Variants in HSD17B12 observed in about 807,000 individuals in gnomAD.
HSD17B12 encodes the protein very-long-chain 3-oxoacyl-CoA reductase.
Under a neutral mutation model 39.3 loss-of-function variants are expected in HSD17B12, and 32 were observed. The observed-to-expected ratio is 0.81, with a 90% CI of 0.61 to 1.09. The LOEUF is 1.09. Among genes scored for constraint, HSD17B12 ranks in the 50% least tolerant of loss-of-function variants. The pLI is 0.00. For synonymous variants in HSD17B12, 150 were observed against 146.7 expected (o/e 1.02, Z -0.16); for missense variants, 342 against 382.9 (o/e 0.89, Z 0.89).
intron 7 of HSD17B12, among the ~76,000 whole-genome samples, chr11:43,834,719 G>A (rs1951351921): frequency 6.6e-6 from 1 of 152,114 alleles, no homozygotes; most frequent in Admixed American, 6.5e-5. Flanking sequence ...AGGTCTGAGG[G>A]AATTCCATGA....
In HSD17B12 at chr11:43,838,413, C is replaced by T. The variant is rs1590341524; in HGVS notation, c.618+15C>T. 1.9e-6 allele frequency: 3 copies of T among 1,580,548 alleles called. No homozygotes were observed. Among genetic ancestry groups the T allele is most frequent in the Non-Finnish European group, 2.6e-6 (3 of 1,150,006 alleles). On this transcript the variant is annotated intron_variant, in intron 8 of 10. Transcript: ENST00000278353. ...CTGCAACCAAGGTAAAAAATATTTT[C>T]TTAAATCATGTCAATATAGTAATAA...
the HSD17B12 span, among the ~76,000 whole-genome samples, chr11:43,591,302 C>A: frequency 6.6e-6 from 1 of 152,070 alleles, no homozygotes; most frequent in African/African-American, 2.4e-5. Flanking sequence ...GATGTCTAAT[C>A]TAGTGTTTTC....
At chr11:43,594,528 T>TC in the HSD17B12 span, among the ~76,000 whole-genome samples, 1 of 143,632 alleles carries the variant, frequency 7.0e-6, no homozygotes, top group African/African-American at 2.5e-5. Flanking sequence ...TTCTTTTCTC[T>TC]TTTTTTTTTT....
At chr11:43,714,240 G>C (rs1950098836) in intron 1 of HSD17B12, among the ~76,000 whole-genome samples, 12 of 152,072 alleles carry the variant, frequency 7.9e-5, no homozygotes, top group Admixed American at 7.9e-4. Context: ...TTTCTTCTAG[G>C]GTTTTTATAG....
chr11:43,724,615 C>G (rs921452088), intron 1 of HSD17B12, among the ~76,000 whole-genome samples: 2 of 152,086 alleles, frequency 1.3e-5, no homozygotes, highest in Non-Finnish European at 2.9e-5. Flanking sequence ...CTCACTGTGT[C>G]CTCTCATGGC....
intron 3 of HSD17B12, among the ~76,000 whole-genome samples, chr11:43,779,402 T>C (rs1209517027): frequency 6.6e-6 from 1 of 152,224 alleles, no homozygotes; most frequent in Non-Finnish European, 1.5e-5. Context: ...TATTTTGGAA[T>C]GGGAAATAAA....
the HSD17B12 span, among the ~76,000 whole-genome samples, chr11:43,603,428 C>T: frequency 6.6e-6 from 1 of 151,856 alleles, no homozygotes; most frequent in Non-Finnish European, 1.5e-5. Flanking sequence ...AAGCACTTTG[C>T]CTGGTTGAGG....
At chr11:43,656,677 G>A in the HSD17B12 span, among the ~76,000 whole-genome samples, 1 of 152,148 alleles carries the variant, frequency 6.6e-6, no homozygotes, top group Non-Finnish European at 1.5e-5. Context: ...TCATTCAGGA[G>A]CAGGGTGTTC....
chr11:43,725,660 C>T (rs768432926), intron 1 of HSD17B12, among the ~76,000 whole-genome samples: 4 of 152,110 alleles, frequency 2.6e-5, no homozygotes, highest in Non-Finnish European at 5.9e-5. Flanking sequence ...TATTCCTGTC[C>T]TCATGAAGCT....
intron 1 of HSD17B12, among the ~76,000 whole-genome samples, chr11:43,747,723 C>T (rs940355983): frequency 3.3e-5 from 5 of 152,154 alleles, no homozygotes; most frequent in Admixed American, 1.3e-4. Flanking sequence ...TCACTTAAAC[C>T]GCCACTGCTA....
At chr11:43,741,425 C>T (rs983259770) in intron 1 of HSD17B12, among the ~76,000 whole-genome samples, 3 of 151,938 alleles carry the variant, frequency 2.0e-5, no homozygotes, top group Non-Finnish European at 4.4e-5. Flanking sequence ...CAGTTTACAC[C>T]ATTTTTCTAT....
chr11:43,769,984 A>AAG (rs906086726), intron 3 of HSD17B12, among the ~76,000 whole-genome samples: 1 of 152,168 alleles, frequency 6.6e-6, no homozygotes, highest in Non-Finnish European at 1.5e-5. Flanking sequence ...CCTTCCAACA[A>AAG]AGGACTTATA....
chr11:43,632,597 C>T, the HSD17B12 span, among the ~76,000 whole-genome samples: 2 of 151,970 alleles, frequency 1.3e-5, no homozygotes. Context: ...AACAAACTAA[C>T]TTATTTATTG....
At chr11:43,694,530 GA>G (rs894629931) in intron 1 of HSD17B12, among the ~76,000 whole-genome samples, 2 of 151,008 alleles carry the variant, frequency 1.3e-5, no homozygotes, top group African/African-American at 4.9e-5. Context: ...AAAGAAAAAA[GA>G]AAAAAAATGA....
At chr11:43,680,597 T>G, upstream of HSD17B12, 1 of 538,820 alleles carries the variant, frequency 1.9e-6, no homozygotes, top group Non-Finnish European at 3.3e-6. Flanking sequence ...GGGAGGAGTG[T>G]GGGAGGGGCA....
chr11:43,855,965 A>C lies in HSD17B12; in HGVS notation c.*717A>C, dbSNP rs1285067630. 1 of 142,408 alleles carries C rather than the reference A, an allele frequency of 7.0e-6. No individual in the cohort carries two copies. 8.8% of individuals were successfully genotyped at this position (142,408 alleles called of 1,614,324 possible). On this transcript the variant is annotated 3_prime_UTR_variant, in exon 11 of 11. Coordinates refer to ENST00000278353, the MANE Select transcript of HSD17B12 (RefSeq NM_016142.3). ...GATAAATGGGCCAAAGTGTACATTG[A>C]GACTGGCAGCCATCTATGGTACCAC...
chr11:43,637,723 G>A, the HSD17B12 span, among the ~76,000 whole-genome samples: 3 of 152,178 alleles, frequency 2.0e-5, no homozygotes, highest in African/African-American at 7.2e-5. Flanking sequence ...AGAAAAATGT[G>A]TGTTAATTTG....
At chr11:43,624,000 T>C in the HSD17B12 span, among the ~76,000 whole-genome samples, 1 of 152,028 alleles carries the variant, frequency 6.6e-6, no homozygotes, top group South Asian at 2.1e-4. Context: ...CCTAGGTTCC[T>C]GTCTAGACAT....
At chr11:43,825,130 C>A (rs79299948) in intron 6 of HSD17B12, among the ~76,000 whole-genome samples, 57 of 145,814 alleles carry the variant, frequency 3.9e-4, no homozygotes, top group East Asian at 4.0e-4. Flanking sequence ...GACCCTGTCT[C>A]AAAAAAAAAA....
Sources: allele counts gnomAD v4.1 joint callset (sites outside exome capture counted in the v4.1 genomes callset), GRCh38; gene constraint gnomAD v4.1.1; transcripts MANE v1.5; gene names NCBI Gene and HGNC (gene_info 2026-07-23, HGNC 2026-07-21).